TM7SF3: variants seen among roughly 807,000 people sequenced by gnomAD.
The protein encoded by TM7SF3 is transmembrane 7 superfamily member 3.
TM7SF3 carries 60 observed loss-of-function variants against 65.5 expected under a neutral mutation model. The ratio of observed to expected loss-of-function variants is 0.92; its 90% CI spans 0.74 to 1.14. The LOEUF is 1.14. TM7SF3 is among the 50% of genes most tolerant of loss of function. TM7SF3 has a pLI of 0.00. For synonymous variants in TM7SF3, 264 were observed against 259.6 expected (o/e 1.02, Z -0.16); for missense variants, 623 against 684.8 (o/e 0.91, Z 1.01).
chr12:26,974,960 A>G (rs1343674285), intron 11 of TM7SF3, among the ~76,000 whole-genome samples: 1 of 152,220 alleles, frequency 6.6e-6, no homozygotes, highest in Non-Finnish European at 1.5e-5. Flanking sequence ...TGAAGTCAAC[A>G]TATCTTACAA....
At chr12:26,975,948 T>C (rs1325071522) in intron 10 of TM7SF3, among the ~76,000 whole-genome samples, 1 of 152,240 alleles carries the variant, frequency 6.6e-6, no homozygotes, top group East Asian at 1.9e-4. Context: ...ATCACTCTTC[T>C]GAAGCCAGTT....
intron 1 of TM7SF3, among the ~76,000 whole-genome samples, chr12:27,005,851 A>T (rs1024447227): frequency 2.0e-5 from 3 of 150,796 alleles, no homozygotes; most frequent in Admixed American, 6.6e-5. Flanking sequence ...ACCTAGGTGG[A>T]GTGCAGTGGC....
chr12:26,988,649 C>T (rs1231966836), intron 6 of TM7SF3, among the ~76,000 whole-genome samples: 1 of 150,828 alleles, frequency 6.6e-6, no homozygotes, highest in Non-Finnish European at 1.5e-5. Context: ...GCAACTTACT[C>T]TCATATGGTT....
At chr12:27,005,343 T>C (rs1047364296) in intron 1 of TM7SF3, among the ~76,000 whole-genome samples, 3 of 152,216 alleles carry the variant, frequency 2.0e-5, no homozygotes, top group Non-Finnish European at 4.4e-5. Flanking sequence ...TATTTGGCAA[T>C]ATTTATAAGG....
chr12:27,009,253 T>C (rs1279222533), intron 1 of TM7SF3, among the ~76,000 whole-genome samples: 2 of 152,200 alleles, frequency 1.3e-5, no homozygotes, highest in Non-Finnish European at 2.9e-5. Flanking sequence ...ATATAAGTTT[T>C]AGAAATCAGC....
chr12:26,996,610 A>T, intron 4 of TM7SF3, 132 bp downstream of exon 4: 1 of 867,394 alleles, frequency 1.2e-6, no homozygotes, highest in Non-Finnish European at 1.7e-6. Flanking sequence ...AGTTTAAATT[A>T]CATCAATTCC....
At chr12:26,981,009 A>C (rs2136384690) in intron 7 of TM7SF3, among the ~76,000 whole-genome samples, 1 of 152,348 alleles carries the variant, frequency 6.6e-6, no homozygotes, top group African/African-American at 2.4e-5. Flanking sequence ...GTGATACGAA[A>C]TTACACATTA....
intron 9 of TM7SF3, among the ~76,000 whole-genome samples, chr12:26,977,236 T>C (rs1296106311): frequency 6.6e-6 from 1 of 152,220 alleles, no homozygotes; most frequent in Admixed American, 6.5e-5. Context: ...TAGATTCTAT[T>C]CTCTAGTTTA....
At chr12:26,985,215 G>A (rs1939993085) in intron 6 of TM7SF3, among the ~76,000 whole-genome samples, 1 of 152,098 alleles carries the variant, frequency 6.6e-6, no homozygotes, top group African/African-American at 2.4e-5. Context: ...AAAAATATAT[G>A]GCCAGGCGCA....
chr12:26,987,517 T>C (rs1015756490), intron 6 of TM7SF3, among the ~76,000 whole-genome samples: 1 of 152,110 alleles, frequency 6.6e-6, no homozygotes, highest in African/African-American at 2.4e-5. Flanking sequence ...AAATAAATGA[T>C]AGTAAAGGAT....
chr12:26,991,013 G>A (rs1266389425), intron 5 of TM7SF3, among the ~76,000 whole-genome samples: 1 of 152,082 alleles, frequency 6.6e-6, no homozygotes, highest in South Asian at 2.1e-4. Flanking sequence ...CAGAGGATGT[G>A]TCCAATGTTA....
intron 6 of TM7SF3, among the ~76,000 whole-genome samples, chr12:26,986,811 C>T (rs151002320): frequency 1.9e-3 from 282 of 152,342 alleles, no homozygotes; most frequent in African/African-American, 6.7e-3. Context: ...CTCACTGGTA[C>T]CAATGGCCTC....
intron 1 of TM7SF3, 142 bp downstream of exon 1, chr12:27,013,936 C>G (rs558679653): frequency 8.2e-6 from 6 of 734,584 alleles, no homozygotes; most frequent in Admixed American, 2.1e-5. Flanking sequence ...CCATTCGTGC[C>G]GGTTCTGGAC....
Position 26,996,789 on chromosome 12 carries a change from G to C in TM7SF3, c.471C>G (p.Phe157Leu). Reference sequence around the variant, plus strand: ...GGGCAAACTTGATAGTCGTTTCAAAGAAATTATACTCCAAGTAAATGTTGG... The same window carrying C: ...GGGCAAACTTGATAGTCGTTTCAAACAAATTATACTCCAAGTAAATGTTGG... Reference protein sequence around the residue: ...IDPNIYLEYNFFETTIKFAPA... With the variant: ...IDPNIYLEYNLFETTIKFAPA... The change falls in exon 4 of 12, where the codon TTC (phenylalanine) becomes TTG (leucine). Residue 157 changes from phenylalanine (F) to leucine (L), a missense_variant. Coordinates refer to ENST00000343028, the MANE Select transcript of TM7SF3 (RefSeq NM_016551.3). The C allele has an allele frequency of 6.2e-7, 1 of 1,613,752 alleles. No individual in the cohort carries two copies. The highest frequency in any genetic ancestry group is 1.6e-4 in the Middle Eastern group (1 of 6,062).
chr12:26,988,186 G>A (rs1023285245), intron 6 of TM7SF3, among the ~76,000 whole-genome samples: 10 of 152,114 alleles, frequency 6.6e-5, no homozygotes, highest in South Asian at 2.1e-4. Flanking sequence ...ACGGGGAGAC[G>A]GGGTCTCACT....
chr12:26,987,006 A>T (rs941014920), intron 6 of TM7SF3, among the ~76,000 whole-genome samples: 3 of 152,116 alleles, frequency 2.0e-5, no homozygotes, highest in African/African-American at 7.2e-5. Flanking sequence ...TCAATTTCCT[A>T]AGCTCTAAAC....
At chr12:27,000,243 T>C (rs1940774877) in intron 2 of TM7SF3, among the ~76,000 whole-genome samples, 1 of 152,248 alleles carries the variant, frequency 6.6e-6, no homozygotes, top group Admixed American at 6.5e-5. Context: ...ACATTCTGTC[T>C]GTAAAAATAA....
rs185745696 is a variant in TM7SF3 at position 26,981,562 on chromosome 12, C to G, written c.956-916G>C. 3.3e-5 allele frequency among the ~76,000 whole-genome samples: 5 copies of G among 151,858 alleles called. No individual in the cohort carries two copies. The East Asian group carries it at 9.7e-4, about 29-fold the overall frequency. Reference sequence around the variant, plus strand: ...TAACTTTGAGACCACAGCTTAGCAACTAAGTTCTTTGTTACAGAATCATTC... The same window carrying G: ...TAACTTTGAGACCACAGCTTAGCAAGTAAGTTCTTTGTTACAGAATCATTC... On this transcript the variant is annotated intron_variant, in intron 7 of 11. Coordinates refer to ENST00000343028, the MANE Select transcript of TM7SF3 (RefSeq NM_016551.3).
intron 1 of TM7SF3, among the ~76,000 whole-genome samples, chr12:27,007,482 T>C (rs1487533871): frequency 6.6e-6 from 1 of 152,008 alleles, no homozygotes; most frequent in Non-Finnish European, 1.5e-5. Flanking sequence ...TAAGAAATTA[T>C]AATACAGTGA....
Sources: gnomAD v4.1 joint callset for allele counts (sites outside exome capture counted in the v4.1 genomes callset) on GRCh38, gnomAD v4.1.1 for gene constraint, MANE v1.5 for transcripts, NCBI Gene and HGNC (gene_info 2026-07-23, HGNC 2026-07-21) for gene names.